Variants in PTPRO observed in about 807,000 individuals in gnomAD.
PTPRO encodes receptor-type tyrosine-protein phosphatase O.
PTPRO carries 62 observed loss-of-function variants against 145.2 expected under a neutral mutation model. The ratio of observed to expected loss-of-function variants is 0.43; its 90% CI spans 0.35 to 0.53. The LOEUF (loss-of-function observed/expected upper bound fraction) is 0.53, where lower values mean the gene tolerates loss of function less well. PTPRO is among the 20% of genes least tolerant of loss of function. The probability of loss-of-function intolerance (pLI) is 0.01; values close to 1 mark genes in which losing one functional copy is unlikely to be tolerated. For synonymous variants in PTPRO, 565 were observed against 514.7 expected, an observed-to-expected ratio of 1.10 and a Z score of -1.32; for missense variants, 1,345 against 1,482.7, an observed-to-expected ratio of 0.91 and a Z score of 1.53.
intron 3 of PTPRO, among the ~76,000 whole-genome samples, chr12:15,497,997 G>A (rs1942142501): frequency 6.6e-6 from 1 of 152,038 alleles, no homozygotes; most frequent in South Asian, 2.1e-4. Context: ...AGGGGCTAGA[G>A]GGAGAGGGAA....
At chr12:15,516,119 C>T (rs1184858879) in intron 8 of PTPRO, among the ~76,000 whole-genome samples, 2 of 150,388 alleles carry the variant, frequency 1.3e-5, no homozygotes, top group Non-Finnish European at 3.0e-5. Flanking sequence ...GCCTCCTGAG[C>T]AGCTGGGACT....
At chr12:15,400,806 TAGTG>T (rs1461505438) in intron 1 of PTPRO, among the ~76,000 whole-genome samples, 3 of 152,236 alleles carry the variant, frequency 2.0e-5, no homozygotes, top group African/African-American at 7.2e-5. Flanking sequence ...TCTTCCATTC[TAGTG>T]AGTAACACTA....
chr12:15,515,825 C>T (rs983395274), intron 8 of PTPRO, among the ~76,000 whole-genome samples: 1 of 151,952 alleles, frequency 6.6e-6, no homozygotes, highest in Admixed American at 6.6e-5. Flanking sequence ...AAATCAGAGG[C>T]AAACATTCTT....
chr12:15,448,080 G>T (rs1320489281), intron 1 of PTPRO, among the ~76,000 whole-genome samples: 1 of 152,064 alleles, frequency 6.6e-6, no homozygotes, highest in East Asian at 1.9e-4. Context: ...TACATTTACA[G>T]CAATGTGATA....
chr12:15,416,493 AT>A, intron 1 of PTPRO, among the ~76,000 whole-genome samples: 1 of 150,872 alleles, frequency 6.6e-6, no homozygotes, highest in East Asian at 1.9e-4. Flanking sequence ...CTAATTTTTT[AT>A]ATTTTTAGTA....
At position 15,513,185 on chromosome 12, in the gene PTPRO, GAA is replaced by G. The variant is rs1565675821; in HGVS notation, c.1465-2311_1465-2310del. On this transcript the variant is annotated intron_variant, in intron 7 of 26. Transcript: ENST00000281171. ...AGAAAGAAAGAAAGAAAGAAAGAAA[GAA>G]AGAAAGAAAGAAAGAAAGAAAGAAA... Among the ~76,000 whole-genome samples the G allele has an allele frequency of 3.2e-4, 30 of 92,728 alleles. 6 individuals carry two copies. The highest frequency in any genetic ancestry group is 1.4e-3 in the African/African-American group (28 of 20,634). 60.8% of individuals were successfully genotyped at this position (92,728 alleles called of 152,430 possible).
chr12:15,546,513 G>T (rs1380175155), intron 12 of PTPRO, 56 bp from the exon 13 acceptor site: 2 of 1,546,902 alleles, frequency 1.3e-6, no homozygotes, highest in Non-Finnish European at 1.7e-6. Flanking sequence ...ATTAGTGAAA[G>T]AAGAAAGAAT....
intron 1 of PTPRO, among the ~76,000 whole-genome samples, chr12:15,466,658 C>T (rs906716049): frequency 1.3e-5 from 2 of 152,158 alleles, no homozygotes; most frequent in Admixed American, 1.3e-4. Context: ...AATCTCACAA[C>T]AACCTTGTGA....
chr12:15,382,653 A>G (rs1565598176), intron 1 of PTPRO, among the ~76,000 whole-genome samples: 1 of 152,206 alleles, frequency 6.6e-6, no homozygotes, highest in African/African-American at 2.4e-5. Context: ...CAATATATTC[A>G]TTTGTCAAGT....
At chr12:15,416,908 T>G (rs565901163) in intron 1 of PTPRO, among the ~76,000 whole-genome samples, 1 of 151,686 alleles carries the variant, frequency 6.6e-6, no homozygotes, top group South Asian at 2.1e-4. Context: ...ATCAATATAC[T>G]GTATGGGGAG....
intron 10 of PTPRO, among the ~76,000 whole-genome samples, chr12:15,523,746 G>A (rs958480053): frequency 1.3e-5 from 2 of 152,062 alleles, no homozygotes; most frequent in South Asian, 4.1e-4. Flanking sequence ...CTGCACTCCA[G>A]CTTGCGTGAC....
intron 1 of PTPRO, chr12:15,348,644 G>A (rs995711641): frequency 6.6e-5 from 10 of 152,158 alleles, no homozygotes; most frequent in Non-Finnish European, 1.3e-4. Context: ...AAAATTAACC[G>A]GGCGTGGTGG....
At chr12:15,486,554 C>T (rs1047470479) in intron 2 of PTPRO, among the ~76,000 whole-genome samples, 1 of 151,906 alleles carries the variant, frequency 6.6e-6, no homozygotes, top group Non-Finnish European at 1.5e-5. Context: ...GAATGTTAAC[C>T]TTATATGTAA....
intron 1 of PTPRO, among the ~76,000 whole-genome samples, chr12:15,482,703 G>T (rs940032285): frequency 6.6e-6 from 1 of 152,106 alleles, no homozygotes; most frequent in African/African-American, 2.4e-5. Context: ...AATAAATTGA[G>T]TAATTTGTTA....
intron 18 of PTPRO, among the ~76,000 whole-genome samples, chr12:15,567,030 T>C (rs934209300): frequency 1.2e-4 from 19 of 152,208 alleles, no homozygotes; most frequent in Middle Eastern, 3.4e-3. Flanking sequence ...ATAGCGTCCT[T>C]GGACGAAAAG....
In PTPRO at chr12:15,342,687, C is replaced by G. The variant is rs556951799; in HGVS notation, c.75+19886C>G. On this transcript the variant is annotated intron_variant, in intron 1 of 26. Coordinates refer to ENST00000281171, the MANE Select transcript of PTPRO (RefSeq NM_030667.3). Reference sequence around the variant, plus strand: ...TCTGCCCTTCCAGCCTCGAAGTTTTCCTGTTAGACATCTGCCCTGCTCGAC... The same window carrying G: ...TCTGCCCTTCCAGCCTCGAAGTTTTGCTGTTAGACATCTGCCCTGCTCGAC... 2.0e-5 allele frequency among the ~76,000 whole-genome samples: 3 copies of G among 152,302 alleles called. No individual in the cohort carries two copies. The East Asian group carries it at 5.8e-4, about 29-fold the overall frequency.
chr12:15,579,734 C>T (rs987219886), intron 20 of PTPRO, among the ~76,000 whole-genome samples: 3 of 152,136 alleles, frequency 2.0e-5, no homozygotes, highest in African/African-American at 7.2e-5. Context: ...TATACTATAG[C>T]TGTCCAATCA....
intron 1 of PTPRO, among the ~76,000 whole-genome samples, chr12:15,327,710 C>T (rs1281938381): frequency 2.0e-5 from 3 of 152,084 alleles, no homozygotes; most frequent in Non-Finnish European, 4.4e-5. Context: ...TTGAGGAACC[C>T]AAACAAGGTT....
chr12:15,433,436 G>T lies in PTPRO; in HGVS notation c.76-50538G>T, dbSNP rs139923276. ...CTGACCTCATGATCCGCCCGCCTTG[G>T]CCTCCCAAAGTGCTGGGATTACAGG... On this transcript the variant is annotated intron_variant, in intron 1 of 26. Transcript: ENST00000281171. 3.9e-4 allele frequency among the ~76,000 whole-genome samples: 60 copies of T among 152,240 alleles called. 1 individual carries two copies. In the East Asian group the frequency reaches 0.011, roughly 28 times the overall value.
Sources: allele counts gnomAD v4.1 joint callset (sites outside exome capture counted in the v4.1 genomes callset), GRCh38; gene constraint gnomAD v4.1.1; transcripts MANE v1.5; gene names NCBI Gene and HGNC (gene_info 2026-07-23, HGNC 2026-07-21).